The following RGS5 variants were observed in gnomAD, a reference collection of about 807,000 sequenced individuals.
RGS5 encodes regulator of G protein signaling 5.
Under a neutral mutation model 18.9 loss-of-function variants are expected in RGS5, and 20 were observed. The ratio of observed to expected loss-of-function variants is 1.06; its 90% CI spans 0.74 to 1.54. RGS5 has a LOEUF of 1.54. Among genes scored for constraint, RGS5 ranks in the 40% most tolerant of loss-of-function variants. RGS5 has a pLI of 0.00. For missense variants in RGS5, 201 were observed against 211.8 expected (o/e 0.95, Z 0.32); for synonymous variants, 57 against 76.2 (o/e 0.75, Z 1.31).
At chr1:163,242,235 GA>G (rs1344280328) in intron 2 of RGS5, among the ~76,000 whole-genome samples, 1 of 152,144 alleles carries the variant, frequency 6.6e-6, no homozygotes, top group African/African-American at 2.4e-5. Flanking sequence ...AAATATGTCA[GA>G]AAAATATTTA....
upstream of RGS5, among the ~76,000 whole-genome samples, chr1:163,207,606 A>G (rs757771134): frequency 5.9e-5 from 9 of 152,208 alleles, no homozygotes; most frequent in African/African-American, 1.7e-4. Flanking sequence ...TGGCCACTGT[A>G]ATTTTTCTTC....
intron 2 of RGS5, chr1:163,260,473 A>G (rs1421456095): frequency 2.6e-5 from 4 of 152,300 alleles, no homozygotes; most frequent in African/African-American, 7.2e-5. Flanking sequence ...AAGGTCATAT[A>G]GAGTGGTATA....
At chr1:163,173,895 GA>G (rs1356049196) in intron 1 of RGS5, among the ~76,000 whole-genome samples, 2 of 152,098 alleles carry the variant, frequency 1.3e-5, no homozygotes, top group African/African-American at 4.8e-5. Flanking sequence ...CCAAGATGGT[GA>G]AACCCCATCT....
intron 1 of RGS5, among the ~76,000 whole-genome samples, chr1:163,308,004 C>A (rs184238295): frequency 5.9e-5 from 9 of 152,180 alleles, no homozygotes; most frequent in Admixed American, 5.9e-4. Flanking sequence ...CATGAACAAT[C>A]TGCATCCTAA....
chr1:163,152,839 T>C (rs1042066462), intron 3 of RGS5, 123 bp from the exon 4 acceptor site: 1 of 811,644 alleles, frequency 1.2e-6, no homozygotes, highest in Non-Finnish European at 1.8e-6. Flanking sequence ...AGCTCATTCA[T>C]GTCTAGCTTC....
chr1:163,301,874 G>A lies in RGS5; in HGVS notation c.-281+4359C>T, dbSNP rs368577370. Among the ~76,000 whole-genome samples, 15 of 152,120 alleles carry A rather than the reference G, an allele frequency of 9.9e-5. No individual in the cohort carries two copies. The East Asian group carries it at 2.7e-3, about 28-fold the overall frequency. On this transcript the variant is annotated intron_variant, in intron 2 of 5. Coordinates refer to the RGS5 transcript ENST00000618415. ...TCAAAAGATACCCCAGCTTTTCCCA[G>A]GGTTCCTGGTTTAACCATGTGATAT...
chr1:163,245,701 T>C (rs1048485927), intron 2 of RGS5, among the ~76,000 whole-genome samples: 1 of 152,218 alleles, frequency 6.6e-6, no homozygotes, highest in African/African-American at 2.4e-5. Context: ...ATCTGTAAAA[T>C]GGGTATAATA....
At chr1:163,217,882 G>A (rs971526121), upstream of RGS5, among the ~76,000 whole-genome samples, 4 of 152,122 alleles carry the variant, frequency 2.6e-5, no homozygotes, top group Non-Finnish European at 5.9e-5. Flanking sequence ...GCAGATTACG[G>A]TACTGTGAGT....
At chr1:163,193,241 CAGTT>C (rs1204212014) in intron 1 of RGS5, among the ~76,000 whole-genome samples, 11 of 152,262 alleles carry the variant, frequency 7.2e-5, no homozygotes, top group Non-Finnish European at 2.9e-5. Context: ...CCTGGGGAAA[CAGTT>C]AGGAAGGAAA....
At chr1:163,182,620 T>A (rs1262449284) in intron 1 of RGS5, among the ~76,000 whole-genome samples, 2 of 152,220 alleles carry the variant, frequency 1.3e-5, no homozygotes, top group Non-Finnish European at 2.9e-5. Context: ...TTCTCCCATC[T>A]TATTCCAAAT....
Position 163,231,297 on chromosome 1 carries a change from T to G in RGS5, c.-280-62929A>C, listed in dbSNP as rs990476921. On this transcript the variant is annotated intron_variant, in intron 2 of 5. Coordinates refer to the RGS5 transcript ENST00000618415. ...TGTACTTAGAGCTGCACAAAACCCATGAAATAACCAGAGCAGTTATTATTC... is the reference window on the plus strand; with the variant it reads ...TGTACTTAGAGCTGCACAAAACCCAGGAAATAACCAGAGCAGTTATTATTC... 2.6e-5 allele frequency among the ~76,000 whole-genome samples: 4 copies of G among 152,246 alleles called. No homozygotes were observed. In the East Asian group the frequency reaches 7.7e-4, roughly 29 times the overall value.
chr1:163,304,540 C>CCA lies in RGS5; in HGVS notation c.-281+1692_-281+1693insTG, dbSNP rs1649645970. On this transcript the variant is annotated intron_variant, in intron 2 of 5. Coordinates refer to the RGS5 transcript ENST00000618415. The stretch of plus-strand genomic sequence containing the variant: ...GATTACTCATTTCCAAGGAGGCTAA[C>CCA]TGCTTCCTCCTGCAAGCTACCACCA... The CCA allele has an allele frequency of 2.6e-5, 4 of 152,362 alleles. No individual in the cohort carries two copies. In the South Asian group the frequency reaches 8.3e-4, roughly 32 times the overall value. 9.4% of individuals were successfully genotyped at this position (152,362 alleles called of 1,614,324 possible).
upstream of RGS5, among the ~76,000 whole-genome samples, chr1:163,219,651 A>G (rs1660293222): frequency 6.6e-6 from 1 of 152,176 alleles, no homozygotes; most frequent in South Asian, 2.1e-4. Flanking sequence ...AAATTTTCTC[A>G]GTTTTAATTT....
intron 1 of RGS5, among the ~76,000 whole-genome samples, chr1:163,169,132 A>G (rs9660982): frequency 0.2 from 29,625 of 151,128 alleles, 4,565 homozygotes; most frequent in African/African-American, 0.43. Context: ...TTGTCCTTGC[A>G]ATAGTTTGCT....
At chr1:163,266,614 C>T (rs1475687715) in intron 2 of RGS5, 2 of 152,146 alleles carry the variant, frequency 1.3e-5, no homozygotes, top group African/African-American at 2.4e-5. Context: ...TCAAAATTCA[C>T]TTTTCTCTGT....
chr1:163,262,771 C>A (rs552322257), intron 2 of RGS5, among the ~76,000 whole-genome samples: 2 of 150,898 alleles, frequency 1.3e-5, no homozygotes, highest in Non-Finnish European at 2.9e-5. Context: ...TACAGTCCCA[C>A]CAACAGTGTA....
intron 2 of RGS5, among the ~76,000 whole-genome samples, chr1:163,233,197 C>T (rs2101685817): frequency 6.6e-6 from 1 of 152,302 alleles, no homozygotes; most frequent in East Asian, 1.9e-4. Flanking sequence ...TTTTTCTTCT[C>T]TGTGCATCAT....
At chr1:163,259,695 G>A (rs1173978803) in intron 2 of RGS5, among the ~76,000 whole-genome samples, 4 of 152,162 alleles carry the variant, frequency 2.6e-5, no homozygotes, top group Non-Finnish European at 5.9e-5. Context: ...TCACTCACTA[G>A]TATTACATAA....
At chr1:163,183,513 T>C (rs1658945451) in intron 1 of RGS5, among the ~76,000 whole-genome samples, 1 of 152,180 alleles carries the variant, frequency 6.6e-6, no homozygotes, top group Non-Finnish European at 1.5e-5. Context: ...AAAGAGCCCT[T>C]GGTTTTGAAT....
Sources: allele counts gnomAD v4.1 joint callset (sites outside exome capture counted in the v4.1 genomes callset), GRCh38; gene constraint gnomAD v4.1.1; transcripts MANE v1.5; gene names NCBI Gene and HGNC (gene_info 2026-07-23, HGNC 2026-07-21).